SNX32: variants seen among roughly 807,000 people sequenced by gnomAD.
The protein encoded by SNX32 is sorting nexin 32, also known as sorting nexin-32.
SNX32 carries 58 observed loss-of-function variants against 57.0 expected under a neutral mutation model. That is an observed-to-expected ratio of 1.02 (90% confidence interval 0.82 to 1.27). The LOEUF is 1.27. SNX32 is among the 50% of genes most tolerant of loss of function. The probability of loss-of-function intolerance (pLI) is 0.00; values close to 1 mark genes in which losing one functional copy is unlikely to be tolerated. For missense variants in SNX32, 589 were observed against 541.2 expected, an observed-to-expected ratio of 1.09 and a Z score of -0.88; for synonymous variants, 262 against 220.4, an observed-to-expected ratio of 1.19 and a Z score of -1.67.
chr11:65,834,107 G>C lies in SNX32; in HGVS notation c.36+6G>C, dbSNP rs1264547637. On this transcript the variant is annotated splice_donor_region_variant and intron_variant, in intron 1 of 12. Coordinates refer to ENST00000308342, the MANE Select transcript of SNX32 (RefSeq NM_152760.3). ...AGGTTGGGAAGGAGGGCAAGGTAGA[G>C]AAAGGATGAAGACCCCCACCCCAGC... 1.3e-6 allele frequency: 2 copies of C among 1,551,146 alleles called. No individual in the cohort carries two copies. Among genetic ancestry groups the C allele is most frequent in the Non-Finnish European group, 1.7e-6 (2 of 1,146,792 alleles).
In SNX32 at chr11:65,850,247, C is replaced by T. The variant is rs1859132993; in HGVS notation, c.350C>T (p.Ala117Val). 1 of 1,614,202 alleles carries T rather than the reference C, an allele frequency of 6.2e-7. No individual in the cohort carries two copies. The highest frequency in any genetic ancestry group is 8.5e-7 in the Non-Finnish European group (1 of 1,180,044). The change falls in exon 4 of 13, where the codon GCC becomes GTC. Residue 117 changes from alanine (A) to valine (V), a missense_variant. Ala to Val is a moderately conservative substitution (Grantham distance 64). Coordinates refer to ENST00000308342, the MANE Select transcript of SNX32 (RefSeq NM_152760.3). Reference sequence around the variant, plus strand: ...AGCTCTGTCACTCGGGAAGAGTTTGCCAAGATGAAGCAGGAGCTGGAAGCG... The same window carrying T: ...AGCTCTGTCACTCGGGAAGAGTTTGTCAAGATGAAGCAGGAGCTGGAAGCG... ...GDSSVTREEF[A>V]KMKQELEAEY...
intron 1 of SNX32, among the ~76,000 whole-genome samples, chr11:65,844,487 G>A (rs564351763): frequency 6.6e-6 from 1 of 151,492 alleles, no homozygotes; most frequent in Admixed American, 6.6e-5. Flanking sequence ...AATGACTAAC[G>A]ACTCTGTGGC....
chr11:65,834,940 ATC>A (rs775985281), intron 1 of SNX32, among the ~76,000 whole-genome samples: 18 of 137,444 alleles, frequency 1.3e-4, no homozygotes, highest in African/African-American at 4.2e-4. Flanking sequence ...CTGTGTGTGC[ATC>A]TGTGTGTGTC....
chr11:65,834,820 C>G (rs936880570), intron 1 of SNX32, among the ~76,000 whole-genome samples: 2 of 144,228 alleles, frequency 1.4e-5, no homozygotes, highest in Non-Finnish European at 1.5e-5. Flanking sequence ...CTGCGTGTGT[C>G]TGTGTGTGTG....
rs1289306264 is a variant in SNX32, at chr11:65,853,407, G to A, written c.*72G>A. ...AGGGTATCCCAGACCCCTCTCTCCG[G>A]CAAGATGTCTCCTTCCCTAGCAGTG... is the stretch of plus-strand genomic sequence containing the variant. On this transcript the variant is annotated 3_prime_UTR_variant, in exon 13 of 13. Transcript: ENST00000308342. 5.0e-5 allele frequency: 73 copies of A among 1,474,708 alleles called. No individual in the cohort carries two copies. The Admixed American group carries it at 9.9e-4, about 20-fold the overall frequency. The allele number at this position is 1,474,708 out of a possible 1,614,324, so 91.4% of individuals were successfully genotyped here.
At chr11:65,840,255 T>C (rs2134690196) in intron 1 of SNX32, among the ~76,000 whole-genome samples, 1 of 152,164 alleles carries the variant, frequency 6.6e-6, no homozygotes, top group African/African-American at 2.4e-5. Context: ...CTCATCAAAT[T>C]AGGGATAGCG....
At position 65,850,548 on chromosome 11, in the gene SNX32, A is replaced by AC. The variant is rs771361907; in HGVS notation, c.493dup (p.Gln165ProfsTer27). ...ACTTCTTTGTGTTTTTGGAATATGG[A>AC]CAGGATGTGAGCTGGGCCGAATCCC... On this transcript the variant is annotated frameshift_variant, in exon 5 of 13. Transcript: ENST00000308342. LOFTEE classifies it high-confidence loss of function. The AC allele has an allele frequency of 1.2e-6, 2 of 1,607,346 alleles. No homozygotes were observed. The highest frequency in any genetic ancestry group is 4.5e-5 in the East Asian group (2 of 44,602).
chr11:65,834,190 T>A, intron 1 of SNX32, 89 bp downstream of exon 1: 1 of 375,548 alleles, frequency 2.7e-6, no homozygotes. Flanking sequence ...TGTGTGTGTC[T>A]GTGTGTGTGT....
intron 1 of SNX32, among the ~76,000 whole-genome samples, chr11:65,845,179 C>T (rs1361944783): frequency 6.8e-6 from 1 of 147,622 alleles, no homozygotes; most frequent in Non-Finnish European, 1.5e-5. Flanking sequence ...GTGGCTCACT[C>T]CTGTAATTCC....
intron 1 of SNX32, among the ~76,000 whole-genome samples, chr11:65,846,713 G>A (rs1859007352): frequency 7.2e-5 from 11 of 152,156 alleles, no homozygotes; most frequent in Admixed American, 7.2e-4. Context: ...GCCAGGCACG[G>A]TGGCTCACGC....
intron 12 of SNX32, 154 bp from the exon 13 acceptor site, chr11:65,853,128 G>T: frequency 1.4e-6 from 1 of 713,152 alleles, no homozygotes; most frequent in Non-Finnish European, 1.7e-6. Flanking sequence ...CCCTGGCTCA[G>T]GACCCGTGCC....
intron 1 of SNX32, among the ~76,000 whole-genome samples, chr11:65,844,024 G>T (rs1858919589): frequency 6.6e-6 from 1 of 152,164 alleles, no homozygotes; most frequent in Non-Finnish European, 1.5e-5. Context: ...CAATTACCAT[G>T]CCTGGACTAA....
chr11:65,844,654 TG>T (rs1858938375), intron 1 of SNX32, among the ~76,000 whole-genome samples: 1 of 152,138 alleles, frequency 6.6e-6, no homozygotes, highest in Non-Finnish European at 1.5e-5. Flanking sequence ...CCAACAGAAA[TG>T]GGGACTTAGG....
In SNX32 at chr11:65,851,490, C is replaced by T. The variant is rs1859195040; in HGVS notation, c.785+87C>T. On this transcript the variant is annotated intron_variant, in intron 8 of 12. Transcript: ENST00000308342. ...GGGTCACTCTGTAGATGTCTACTGT[C>T]AGCTCTAGGTGGGAGGTGTAGGCTC... 4.6e-6 allele frequency: 7 copies of T among 1,534,992 alleles called. No individual in the cohort carries two copies. The Admixed American group carries it at 1.2e-4, about 26-fold the overall frequency.
chr11:65,850,710 G>A, intron 5 of SNX32, 41 bp from the exon 6 acceptor site: 3 of 1,594,270 alleles, frequency 1.9e-6, no homozygotes, highest in Non-Finnish European at 1.7e-6. Flanking sequence ...TGGGAGGTGA[G>A]AACGCCCACC....
Position 65,850,471 on chromosome 11 carries a change from G to C in SNX32, c.415G>C (p.Glu139Gln), listed in dbSNP as rs549693634. The C allele has an allele frequency of 8.7e-6, 14 of 1,614,046 alleles. No homozygotes were observed. Among genetic ancestry groups the C allele is most frequent in the South Asian group, 1.1e-5 (1 of 91,088 alleles). ...CTTTAAGAAGACAGTTGCGATGCACGAAGTCTTTCTGCAGCGCCTGGCGGC... is the reference window on the plus strand; with the variant it reads ...CTTTAAGAAGACAGTTGCGATGCACCAAGTCTTTCTGCAGCGCCTGGCGGC... ...AIFKKTVAMH[E>Q]VFLQRLAAHP... is the part of the protein sequence containing the mutation. Residue 139 changes from glutamate (E) to glutamine (Q), a missense_variant, in exon 5 of 13, where the codon GAA becomes CAA. By Grantham distance (29) the Glu-to-Gln change is conservative. Coordinates refer to ENST00000308342, the MANE Select transcript of SNX32 (RefSeq NM_152760.3).
Position 65,853,355 on chromosome 11 carries a change from G to C in SNX32, c.*20G>C, listed in dbSNP as rs1178181694. On this transcript the variant is annotated 3_prime_UTR_variant, in exon 13 of 13. Coordinates refer to ENST00000308342, the MANE Select transcript of SNX32 (RefSeq NM_152760.3). Reference sequence around the variant, plus strand: ...CCTTAGAGTAGCCAGAGCTCAGCCAGACCCTAATCTGGGATCTCCAGTGAC... The same window carrying C: ...CCTTAGAGTAGCCAGAGCTCAGCCACACCCTAATCTGGGATCTCCAGTGAC... The C allele has an allele frequency of 6.2e-7, 1 of 1,613,552 alleles. No homozygotes were observed. The highest frequency in any genetic ancestry group is 8.5e-7 in the Non-Finnish European group (1 of 1,179,604).
rs1858573365 is a variant in SNX32, at chr11:65,833,968, C to G, written c.-98C>G. The G allele has an allele frequency of 1.4e-6, 2 of 1,390,300 alleles. No homozygotes were observed. The highest frequency in any genetic ancestry group is 2.0e-6 in the Non-Finnish European group (2 of 1,018,892). The allele number at this position is 1,390,300 out of a possible 1,614,324, so 86.1% of individuals were successfully genotyped here. On this transcript the variant is annotated 5_prime_UTR_variant, in exon 1 of 13. Coordinates refer to ENST00000308342, the MANE Select transcript of SNX32 (RefSeq NM_152760.3). ...GGGCGGGGGAGAGCGTCCCCGTCAGCTGAGAGCATCCTCACTCGGTCAGTT... is the reference window on the plus strand; with the variant it reads ...GGGCGGGGGAGAGCGTCCCCGTCAGGTGAGAGCATCCTCACTCGGTCAGTT...
At chr11:65,839,225 A>ATTTTTTTTTTTTTTTT (rs1168882508) in intron 1 of SNX32, among the ~76,000 whole-genome samples, 294 of 27,634 alleles carry the variant, frequency 0.011, 83 homozygotes, top group Admixed American at 0.017. Flanking sequence ...ATTTTTTTGT[A>ATTTTTTTTTTTTTTTT]TTTTTTTTTT....
Sources: allele counts gnomAD v4.1 joint callset (sites outside exome capture counted in the v4.1 genomes callset), GRCh38; gene constraint gnomAD v4.1.1; transcripts MANE v1.5; gene names NCBI Gene and HGNC (gene_info 2026-07-23, HGNC 2026-07-21).